Variants in PARP10 observed in about 807,000 individuals in gnomAD.
The protein encoded by PARP10 is protein mono-ADP-ribosyltransferase PARP10.
In PARP10, 56 loss-of-function variants were observed where a neutral mutation model predicts 82.4. That is an observed-to-expected ratio of 0.68 (90% confidence interval 0.55 to 0.85). The LOEUF is 0.85. PARP10 is among the 40% of genes least tolerant of loss of function. PARP10 has a pLI of 0.00. For missense variants in PARP10, 1,227 were observed against 1,379.4 expected (o/e 0.89, Z 1.75); for synonymous variants, 576 against 601.1 (o/e 0.96, Z 0.61).
In PARP10 at chr8:143,977,905, A is replaced by G; in HGVS notation, c.2731+2T>C. 6.2e-7 allele frequency: 1 copy of G among 1,602,032 alleles called. No homozygotes were observed. The highest frequency in any genetic ancestry group is 1.1e-5 in the South Asian group (1 of 90,854). On this transcript the variant is annotated splice_donor_variant, in intron 10 of 10. Transcript: ENST00000313028. LOFTEE classifies it high-confidence loss of function. ...CCCGCCCCTGCCCGGCTCAGGCCTC[A>G]CCGTTGCGGCCGCAGAAGCTGCGGT... is the stretch of plus-strand genomic sequence containing the variant.
At chr8:143,977,867 G>A (rs1833738266) in intron 10 of PARP10, 37 bp from the exon 11 acceptor site, 2 of 1,598,198 alleles carry the variant, frequency 1.3e-6, no homozygotes, top group South Asian at 1.1e-5. Context: ...GGGTGGTCGG[G>A]GTGCGCAGAG....
rs781818381 is a variant in PARP10, at chr8:143,986,206, C to T, written c.30G>A (p.Gly10=). 4.3e-6 allele frequency: 7 copies of T among 1,613,980 alleles called. No individual in the cohort carries two copies. The Admixed American group carries it at 1.0e-4, about 23-fold the overall frequency. MVAMAEAEA[G]VAVEVRGLPP... Reference sequence around the variant, plus strand: ...GCAGTCCACGGACCTCCACTGCCACCCCTGCCTCTGCCTCCGCCATTGCAA... The same window carrying T: ...GCAGTCCACGGACCTCCACTGCCACTCCTGCCTCTGCCTCCGCCATTGCAA... The change falls in exon 2 of 11, where the codon GGG becomes GGA. Residue 10 remains glycine (G), a synonymous_variant. Coordinates refer to ENST00000313028, the MANE Select transcript of PARP10 (RefSeq NM_032789.5).
intron 9 of PARP10, among the ~76,000 whole-genome samples, chr8:143,979,934 C>T (rs1343978495): frequency 1.4e-4 from 20 of 148,094 alleles, no homozygotes; most frequent in African/African-American, 4.3e-4. Flanking sequence ...ATGGCGTGAA[C>T]GCAGGAGGCG....
Position 143,977,340 on chromosome 8 carries a change from C to T in PARP10, c.*144G>A. 1.1e-6 allele frequency: 1 copy of T among 877,608 alleles called. No homozygotes were observed. Among genetic ancestry groups the T allele is most frequent in the Non-Finnish European group, 1.7e-6 (1 of 592,554 alleles). The allele number at this position is 877,608 out of a possible 1,614,324, so 54.4% of individuals were successfully genotyped here. A position where few individuals can be genotyped will look rare whatever the true frequency, so the allele number is the denominator to read the frequency against. ...CCCTCGGCCGCTGCTGACCGCCATC[C>T]CCCACACCGCCTTCTGGAGCCCGCA... On this transcript the variant is annotated 3_prime_UTR_variant, in exon 11 of 11. Coordinates refer to ENST00000313028, the MANE Select transcript of PARP10 (RefSeq NM_032789.5).
intron 1 of PARP10, among the ~76,000 whole-genome samples, chr8:144,007,912 T>G (rs1203880454): frequency 3.3e-5 from 5 of 152,220 alleles, no homozygotes; most frequent in African/African-American, 4.8e-5. Context: ...TTGTTAGGAC[T>G]GTCACGACAG....
intron 9 of PARP10, among the ~76,000 whole-genome samples, chr8:143,980,318 TCAAA>T (rs1833819525): frequency 6.4e-5 from 1 of 15,680 alleles, no homozygotes; most frequent in African/African-American, 1.4e-4. Context: ...AGATTCCGTC[TCAAA>T]AAAAAAAAAA....
rs1303214858 is a variant in PARP10 at position 143,984,042 on chromosome 8, G to C, written c.1743C>G (p.Asp581Glu). 7.8e-6 allele frequency: 12 copies of C among 1,538,282 alleles called. No homozygotes were observed. Among genetic ancestry groups the C allele is most frequent in the East Asian group, 2.3e-5 (1 of 44,240 alleles). ...CGTCCTCCTGGTCACCACCTGTACT[G>C]TCTGGGGTCCACAGGGTGTGGGCGT... Reference protein sequence around the residue: ...PGNAHTLWTPDSTGGDQEDVS... With the variant: ...PGNAHTLWTPESTGGDQEDVS... The change falls in exon 7 of 11, where the codon GAC becomes GAG. Residue 581 changes from aspartate (D) to glutamate (E), a missense_variant. Transcript: ENST00000313028.
chr8:143,996,758 G>A (rs1259538707), intron 1 of PARP10, among the ~76,000 whole-genome samples: 1 of 152,212 alleles, frequency 6.6e-6, no homozygotes, highest in South Asian at 2.1e-4. Context: ...TAAAGCCCAG[G>A]GGATGCAGGA....
upstream of PARP10, among the ~76,000 whole-genome samples, chr8:143,993,637 T>G (rs1318861986): frequency 1.3e-5 from 2 of 152,118 alleles, no homozygotes; most frequent in African/African-American, 4.8e-5. Context: ...TGTGCTGGGG[T>G]ACCCCAATGG....
chr8:143,986,332 TG>T, intron 1 of PARP10, 25 bp downstream of exon 1: 1 of 1,614,152 alleles, frequency 6.2e-7, no homozygotes, highest in South Asian at 1.1e-5. Context: ...TCCCCCATTA[TG>T]GGTGGCCCCA....
chr8:144,012,526 T>C lies in PARP10; in HGVS notation c.-80+4A>G, dbSNP rs1554752594. ...CCACTGCCCCAGGGCATGTCTCTACTCACCAATTATGAAGGGCTTCGGCAT... is the reference window on the plus strand; with the variant it reads ...CCACTGCCCCAGGGCATGTCTCTACCCACCAATTATGAAGGGCTTCGGCAT... On this transcript the variant is annotated splice_donor_region_variant and intron_variant, in intron 1 of 3. Coordinates refer to the PARP10 transcript ENST00000530478. 3.9e-6 allele frequency: 6 copies of C among 1,551,720 alleles called. No individual in the cohort carries two copies. In the South Asian group the frequency reaches 7.1e-5, roughly 18 times the overall value.
chr8:144,006,872 T>G (rs547562660), intron 1 of PARP10, among the ~76,000 whole-genome samples: 6 of 152,286 alleles, frequency 3.9e-5, no homozygotes, highest in African/African-American at 1.2e-4. Flanking sequence ...AATCAATGTT[T>G]ATTGCTTAAG....
upstream of PARP10, among the ~76,000 whole-genome samples, chr8:143,987,494 C>T (rs1834010766): frequency 6.6e-6 from 1 of 152,242 alleles, no homozygotes; most frequent in African/African-American, 2.4e-5. Flanking sequence ...TAACTAGTCT[C>T]TGTCTGCCAC....
chr8:143,996,720 A>G (rs1470862799), intron 1 of PARP10, among the ~76,000 whole-genome samples: 4 of 152,346 alleles, frequency 2.6e-5, no homozygotes, highest in Non-Finnish European at 5.9e-5. Context: ...GCTCAACGTC[A>G]GCATCTGAGG....
rs1285505215 is a variant in PARP10 at position 143,985,882 on chromosome 8, A to C, written c.275T>G (p.Leu92Arg). The C allele has an allele frequency of 6.3e-7, 1 of 1,597,692 alleles. No individual in the cohort carries two copies. The change falls in exon 3 of 11, where the codon CTG (leucine) becomes CGG (arginine). Residue 92 changes from leucine (L) to arginine (R), a missense_variant. Physicochemically the swap from Leu to Arg is moderately radical, Grantham distance 102. Transcript: ENST00000313028. ...GGTGCCAGGGGGCAGTCCTTGGAGCAGCAGGCGTGCAGGGGCTCGTGGTGG... is the reference window on the plus strand; with the variant it reads ...GGTGCCAGGGGGCAGTCCTTGGAGCCGCAGGCGTGCAGGGGCTCGTGGTGG... ...PAPPRAPARL[L>R]LQGLPPGTTP... is the part of the protein sequence containing the mutation.
chr8:143,984,374 C>CCAGCA lies in PARP10; in HGVS notation c.1511_1515dup (p.Gly506CysfsTer87). 6.2e-7 allele frequency: 1 copy of CCAGCA among 1,613,084 alleles called. No homozygotes were observed. Among genetic ancestry groups the CCAGCA allele is most frequent in the Non-Finnish European group, 8.5e-7 (1 of 1,179,806 alleles). ...CACAACACATGGCAGCTAATGCTGC[C>CCAGCA]CAGCAGGCTCCGCAGAAACTCCTCA... On this transcript the variant is annotated frameshift_variant, in exon 6 of 11. Transcript: ENST00000313028. LOFTEE classifies it high-confidence loss of function.
At chr8:143,992,973 C>G, upstream of PARP10, 1 of 732,648 alleles carries the variant, frequency 1.4e-6, no homozygotes, top group South Asian at 1.8e-5. Context: ...ATGCCTCTCT[C>G]CAACCCTCCT....
At chr8:143,993,094 C>T, upstream of PARP10, 1 of 498,178 alleles carries the variant, frequency 2.0e-6, no homozygotes. Flanking sequence ...GTGCCACCTC[C>T]TGTCTACTCA....
At chr8:143,994,109 C>A (rs543957233), upstream of PARP10, among the ~76,000 whole-genome samples, 3 of 152,350 alleles carry the variant, frequency 2.0e-5, no homozygotes, top group East Asian at 3.9e-4. Context: ...CAGCTTTGGA[C>A]TTGGATATTC....
Sources: gnomAD v4.1 joint callset for allele counts (sites outside exome capture counted in the v4.1 genomes callset) on GRCh38, gnomAD v4.1.1 for gene constraint, MANE v1.5 for transcripts, NCBI Gene and HGNC (gene_info 2026-07-23, HGNC 2026-07-21) for gene names.